Variants in GRK3 observed in about 807,000 individuals in gnomAD.
GRK3 encodes G protein-coupled receptor kinase 3.
A neutral mutation model predicts 95.7 loss-of-function variants in GRK3; 54 were observed. The observed-to-expected ratio is 0.56, with a 90% CI of 0.45 to 0.71. The LOEUF is 0.71. GRK3 is among the 30% of genes least tolerant of loss of function. The pLI is 0.00. For missense variants in GRK3, 649 were observed against 851.2 expected (o/e 0.76, Z 2.96); for synonymous variants, 281 against 290.8 (o/e 0.97, Z 0.34).
At chr22:25,594,739 G>C (rs1355921264) in intron 1 of GRK3, among the ~76,000 whole-genome samples, 1 of 151,964 alleles carries the variant, frequency 6.6e-6, no homozygotes, top group South Asian at 2.1e-4. Flanking sequence ...TTAGCCGGGC[G>C]TGGCGGTGGG....
chr22:25,623,382 T>C (rs769204686), intron 2 of GRK3, among the ~76,000 whole-genome samples: 2 of 152,248 alleles, frequency 1.3e-5, no homozygotes, highest in Non-Finnish European at 2.9e-5. Flanking sequence ...TGCCTTTGGC[T>C]TGTGCTGCTC....
At chr22:25,623,370 C>T (rs1433155679) in intron 2 of GRK3, among the ~76,000 whole-genome samples, 1 of 152,192 alleles carries the variant, frequency 6.6e-6, no homozygotes, top group South Asian at 2.1e-4. Flanking sequence ...CGTGTAAGCC[C>T]CTGCCTTTGG....
chr22:25,657,511 A>G (rs75672062), intron 3 of GRK3, among the ~76,000 whole-genome samples: 3,404 of 152,188 alleles, frequency 0.022, 60 homozygotes, highest in Middle Eastern at 0.068. Flanking sequence ...TACTATTTTC[A>G]TGAGGTATCT....
Position 25,565,161 on chromosome 22 carries a change from C to T in GRK3, c.113+8C>T. ...CGTCCTGCCGGAGCCCAGGTACCAG[C>T]TGCCCCGGCCGGCGCCGGCCCCAAG... On this transcript the variant is annotated splice_region_variant and intron_variant, in intron 1 of 20. Coordinates refer to ENST00000324198, the MANE Select transcript of GRK3 (RefSeq NM_005160.4). 1 of 1,473,710 alleles carries T rather than the reference C, an allele frequency of 6.8e-7. No individual in the cohort carries two copies. Among genetic ancestry groups the T allele is most frequent in the Non-Finnish European group, 9.1e-7 (1 of 1,103,232 alleles). 91.3% of individuals were successfully genotyped at this position (1,473,710 alleles called of 1,614,324 possible).
intron 2 of GRK3, among the ~76,000 whole-genome samples, chr22:25,609,637 C>T (rs181612572): frequency 4.2e-4 from 64 of 151,802 alleles, no homozygotes; most frequent in African/African-American, 4.8e-4. Flanking sequence ...GCCCCCAAAT[C>T]GATACTTAAT....
Position 25,647,478 on chromosome 22 carries a change from G to A in GRK3, c.264+2813G>A, listed in dbSNP as rs1021243595. 5 of 1,345,662 alleles carry A rather than the reference G, an allele frequency of 3.7e-6. No individual in the cohort carries two copies. The East Asian group carries it at 1.2e-4, about 31-fold the overall frequency. 83.4% of individuals were successfully genotyped at this position (1,345,662 alleles called of 1,614,324 possible). ...TCCTCAGGGGTAACACCTTTTGGAG[G>A]TGGGCATCTTCCTCATTCTCAGTGG... is the stretch of plus-strand genomic sequence containing the variant. On this transcript the variant is annotated intron_variant, in intron 3 of 20. Transcript: ENST00000324198.
intron 9 of GRK3, among the ~76,000 whole-genome samples, chr22:25,679,540 A>G (rs1425707557): frequency 6.6e-6 from 1 of 152,242 alleles, no homozygotes; most frequent in African/African-American, 2.4e-5. Flanking sequence ...CTTACTAAAT[A>G]GCTGCCCATT....
At chr22:25,648,610 A>G (rs1265238034) in intron 3 of GRK3, 14 of 1,155,070 alleles carry the variant, frequency 1.2e-5, no homozygotes, top group Non-Finnish European at 1.8e-5. Context: ...GTTCCACTAT[A>G]TGCTGTTGTT....
chr22:25,623,594 C>T (rs145042619), intron 2 of GRK3, among the ~76,000 whole-genome samples: 266 of 152,314 alleles, frequency 1.7e-3, no homozygotes, highest in African/African-American at 6.0e-3. Flanking sequence ...TAATTATCTC[C>T]TCCCTGACCA....
At chr22:25,581,427 A>G (rs1351988027) in intron 1 of GRK3, 3 of 152,236 alleles carry the variant, frequency 2.0e-5, no homozygotes, top group Non-Finnish European at 4.4e-5. Flanking sequence ...CAGATGCAAG[A>G]TGCAAGTGTA....
intron 2 of GRK3, among the ~76,000 whole-genome samples, chr22:25,618,299 G>A (rs531399263): frequency 1.3e-5 from 2 of 152,186 alleles, no homozygotes; most frequent in African/African-American, 4.8e-5. Context: ...TTACGTTTGC[G>A]ATGTCTTTTT....
intron 1 of GRK3, among the ~76,000 whole-genome samples, chr22:25,571,775 G>T (rs766410634): frequency 3.3e-5 from 5 of 152,080 alleles, no homozygotes; most frequent in Non-Finnish European, 7.4e-5. Context: ...TGATTGCCCA[G>T]ATTTCTCAGT....
At chr22:25,614,315 G>A (rs1431689713) in intron 2 of GRK3, among the ~76,000 whole-genome samples, 2 of 152,016 alleles carry the variant, frequency 1.3e-5, no homozygotes, top group African/African-American at 4.8e-5. Flanking sequence ...TGTATTTTTT[G>A]TAGAGATAAG....
intron 2 of GRK3, among the ~76,000 whole-genome samples, chr22:25,609,996 C>T (rs370613073): frequency 1.3e-5 from 2 of 151,284 alleles, no homozygotes; most frequent in Admixed American, 6.6e-5. Flanking sequence ...TACAGGCACA[C>T]GCCACCATGC....
At chr22:25,572,806 T>C (rs1450422160) in intron 1 of GRK3, among the ~76,000 whole-genome samples, 3 of 152,226 alleles carry the variant, frequency 2.0e-5, no homozygotes, top group African/African-American at 4.8e-5. Flanking sequence ...CTGGCTTCAT[T>C]GTATTGTGCA....
Position 25,674,529 on chromosome 22 carries a change from G to A in GRK3, c.647+1G>A. On this transcript the variant is annotated splice_donor_variant, in intron 8 of 20. Transcript: ENST00000324198. LOFTEE classifies it high-confidence loss of function. ...GCAGGAAAGCAGACACTGGAAAAAT[G>A]TAAGCTTTCAATGCTCTTATGTTTT... The A allele has an allele frequency of 6.2e-7, 1 of 1,607,518 alleles. No individual in the cohort carries two copies. Among genetic ancestry groups the A allele is most frequent in the Non-Finnish European group, 8.5e-7 (1 of 1,174,122 alleles).
intron 4 of GRK3, among the ~76,000 whole-genome samples, chr22:25,663,358 G>A (rs1044123903): frequency 1.3e-5 from 2 of 152,138 alleles, no homozygotes; most frequent in Non-Finnish European, 2.9e-5. Context: ...TATTATCAGA[G>A]TGATCTTGAA....
intron 1 of GRK3, among the ~76,000 whole-genome samples, chr22:25,579,130 G>C (rs946693423): frequency 2.4e-4 from 37 of 151,806 alleles, no homozygotes; most frequent in African/African-American, 4.6e-4. Flanking sequence ...AACCCTAGTT[G>C]ATGGTTGGGG....
intron 1 of GRK3, among the ~76,000 whole-genome samples, chr22:25,582,353 A>G (rs112934554): frequency 1.3e-5 from 2 of 152,322 alleles, no homozygotes; most frequent in African/African-American, 4.8e-5. Context: ...AGTGTGAAGA[A>G]AAAAAGTTTA....
Sources: gnomAD v4.1 joint callset for allele counts (sites outside exome capture counted in the v4.1 genomes callset) on GRCh38, gnomAD v4.1.1 for gene constraint, MANE v1.5 for transcripts, NCBI Gene and HGNC (gene_info 2026-07-23, HGNC 2026-07-21) for gene names.